C10orf143: variants seen among roughly 807,000 people sequenced by gnomAD.
C10orf143 encodes uncharacterized protein C10orf143.
At chr10:130,110,112 C>T (rs1861735721) in intron 1 of C10orf143, among the ~76,000 whole-genome samples, 2 of 152,196 alleles carry the variant, frequency 1.3e-5, no homozygotes, top group South Asian at 4.1e-4. Flanking sequence ...CTTCAAGTCT[C>T]ACACATACCT....
At chr10:130,071,691 A>C (rs112744383) in intron 3 of C10orf143, among the ~76,000 whole-genome samples, 5,247 of 152,248 alleles carry the variant, frequency 0.034, 238 homozygotes, top group East Asian at 0.11. Context: ...GCAATGGCAC[A>C]ATCTCGGCTC....
intron 3 of C10orf143, among the ~76,000 whole-genome samples, chr10:130,048,384 G>C (rs1363181102): frequency 6.6e-6 from 1 of 152,070 alleles, no homozygotes; most frequent in African/African-American, 2.4e-5. Context: ...CTCTCTCCTG[G>C]GGCGCCCAAT....
intron 3 of C10orf143, chr10:130,068,260 C>G (rs1387244598): frequency 6.6e-6 from 1 of 152,180 alleles, no homozygotes; most frequent in Non-Finnish European, 1.5e-5. Flanking sequence ...AACACAAAGC[C>G]CAGACATGAA....
At chr10:130,040,342 G>A (rs1439859199) in intron 3 of C10orf143, among the ~76,000 whole-genome samples, 6 of 152,218 alleles carry the variant, frequency 3.9e-5, no homozygotes, top group Non-Finnish European at 8.8e-5. Context: ...CTAGCCTGCC[G>A]TGCAAGCGTG....
At chr10:130,080,963 C>T (rs1861197730) in intron 1 of C10orf143, among the ~76,000 whole-genome samples, 1 of 152,036 alleles carries the variant, frequency 6.6e-6, no homozygotes, top group Non-Finnish European at 1.5e-5. Context: ...AACTGAGAAT[C>T]AGACAATAAA....
intron 1 of C10orf143, chr10:130,106,641 T>C (rs1861653094): frequency 7.8e-7 from 1 of 1,290,306 alleles, no homozygotes; most frequent in Non-Finnish European, 1.1e-6. Flanking sequence ...AGATTTAAAA[T>C]GACTGAGAAA....
At chr10:130,106,214 C>A (rs1248770149) in intron 1 of C10orf143, 1 of 1,260,828 alleles carries the variant, frequency 7.9e-7, no homozygotes, top group Non-Finnish European at 1.2e-6. Flanking sequence ...TGCTGTTCTC[C>A]TTTTTCTGTG....
intron 3 of C10orf143, among the ~76,000 whole-genome samples, chr10:130,075,095 A>C (rs2134760330): frequency 1.3e-5 from 2 of 152,302 alleles, no homozygotes; most frequent in African/African-American, 4.8e-5. Flanking sequence ...CAATGAAAAA[A>C]AAAAGAAAAA....
At chr10:130,042,889 T>G (rs1404052681) in intron 3 of C10orf143, among the ~76,000 whole-genome samples, 1 of 152,206 alleles carries the variant, frequency 6.6e-6, no homozygotes, top group Non-Finnish European at 1.5e-5. Context: ...ATCATTTTGT[T>G]AAATGTGTGT....
rs957524005 is a variant in C10orf143 at position 130,110,715 on chromosome 10, G to A, written c.58C>T (p.Pro20Ser). The A allele has an allele frequency of 7.5e-6, 3 of 398,784 alleles. No individual in the cohort carries two copies. The highest frequency in any genetic ancestry group is 6.2e-5 in the African/African-American group (3 of 48,650). The allele number at this position is 398,784 out of a possible 1,614,324, so 24.7% of individuals were successfully genotyped here. Residue 20 changes from proline to serine, a missense_variant, in exon 1 of 4, where the codon CCG becomes TCG. By Grantham distance (74) the Pro-to-Ser change is moderately conservative (BLOSUM62 -1). Transcript: ENST00000637128. ...CCCCGGGGGCTCACCACGTCCCCCG[G>A]AACCTGCAGATCCTCCGCCCTCCGC... ...RQRRAEDLQV[P>S]GDVKRVCRRL...
chr10:130,047,216 A>AT (rs1860685929), intron 3 of C10orf143, among the ~76,000 whole-genome samples: 1 of 152,192 alleles, frequency 6.6e-6, no homozygotes, highest in Non-Finnish European at 1.5e-5. Context: ...TGGTGTTATC[A>AT]TACAGGGGAG....
intron 1 of C10orf143, among the ~76,000 whole-genome samples, chr10:130,091,074 G>A (rs1444466698): frequency 1.3e-5 from 2 of 152,124 alleles, no homozygotes; most frequent in African/African-American, 4.8e-5. Context: ...CTCTGCTAAG[G>A]GACAGACTGC....
In C10orf143 at chr10:130,107,334, G is replaced by C. The variant is rs1209117951; in HGVS notation, c.69+3370C>G. ...GCCACTAAAGAGCTGGAGACCTACA[G>C]ACAGCGAGCCAAAGATCTTGAAGAA... On this transcript the variant is annotated intron_variant, in intron 1 of 3. Transcript: ENST00000637128. 8.5e-6 allele frequency: 9 copies of C among 1,058,676 alleles called. No individual in the cohort carries two copies. The South Asian group carries it at 1.1e-4, about 13-fold the overall frequency. The allele number at this position is 1,058,676 out of a possible 1,614,324, so 65.6% of individuals were successfully genotyped here.
intron 1 of C10orf143, among the ~76,000 whole-genome samples, chr10:130,085,580 A>G (rs1246996223): frequency 2.0e-5 from 3 of 152,208 alleles, no homozygotes; most frequent in African/African-American, 7.2e-5. Flanking sequence ...AGATCTTGCA[A>G]CAGAAAAAGG....
At chr10:130,106,005 G>C (rs773090070) in intron 1 of C10orf143, 6 of 445,042 alleles carry the variant, frequency 1.3e-5, no homozygotes, top group Non-Finnish European at 2.7e-5. Flanking sequence ...GCTTGTTGTG[G>C]CCGGGGTTAC....
At chr10:130,036,250 G>C (rs1394616201) in intron 3 of C10orf143, among the ~76,000 whole-genome samples, 2 of 152,138 alleles carry the variant, frequency 1.3e-5, no homozygotes, top group African/African-American at 4.8e-5. Context: ...GACACAGCTG[G>C]GTGCCCACTT....
chr10:130,055,679 C>A (rs1331879799), intron 3 of C10orf143, among the ~76,000 whole-genome samples: 2 of 152,170 alleles, frequency 1.3e-5, no homozygotes, highest in Non-Finnish European at 2.9e-5. Flanking sequence ...GGCACGGTGG[C>A]TCACGCCTGT....
intron 1 of C10orf143, among the ~76,000 whole-genome samples, chr10:130,095,839 C>T (rs1050649710): frequency 5.9e-5 from 9 of 152,044 alleles, no homozygotes; most frequent in African/African-American, 1.7e-4. Flanking sequence ...TCATAAAAAC[C>T]CTAGAAGAAA....
intron 1 of C10orf143, among the ~76,000 whole-genome samples, chr10:130,094,290 C>G (rs1459145408): frequency 6.6e-6 from 1 of 152,144 alleles, no homozygotes; most frequent in East Asian, 1.9e-4. Context: ...CAAATTCTAC[C>G]AGAGGTACAA....
Sources: allele counts gnomAD v4.1 joint callset (sites outside exome capture counted in the v4.1 genomes callset), GRCh38; gene constraint gnomAD v4.1.1; transcripts MANE v1.5; gene names NCBI Gene and HGNC (gene_info 2026-07-23, HGNC 2026-07-21).